The following UAP1 variants were observed in gnomAD, a reference collection of about 807,000 sequenced individuals.
UAP1 encodes UDP-N-acetylglucosamine pyrophosphorylase 1, also known as UDP-N-acetylhexosamine pyrophosphorylase.
UAP1 carries 25 observed loss-of-function variants against 58.5 expected under a neutral mutation model. That is an observed-to-expected ratio of 0.43 (90% confidence interval 0.31 to 0.60). The LOEUF (loss-of-function observed/expected upper bound fraction) is 0.60. Ranked by LOEUF, UAP1 falls within the 20% of genes least tolerant of loss-of-function variation. The pLI, the probability that UAP1 is intolerant of heterozygous loss-of-function variation, is 0.11. For missense variants in UAP1, 575 were observed against 630.0 expected, an observed-to-expected ratio of 0.91 and a Z score of 0.93; for synonymous variants, 208 against 213.0, an observed-to-expected ratio of 0.98 and a Z score of 0.21.
intron 2 of UAP1, among the ~76,000 whole-genome samples, chr1:162,574,784 A>T (rs1225427567): frequency 6.6e-6 from 1 of 151,902 alleles, no homozygotes; most frequent in East Asian, 1.9e-4. Flanking sequence ...TTAGGAATGG[A>T]TTATGGCAAG....
intron 1 of UAP1, among the ~76,000 whole-genome samples, chr1:162,563,818 T>C (rs889858221): frequency 2.0e-5 from 3 of 152,232 alleles, no homozygotes; most frequent in African/African-American, 7.2e-5. Flanking sequence ...TCTTTACTCT[T>C]GACTATCTTG....
At chr1:162,587,430 C>A in intron 5 of UAP1, 45 bp from the exon 6 acceptor site, 1 of 1,515,104 alleles carries the variant, frequency 6.6e-7, no homozygotes, top group Non-Finnish European at 9.0e-7. Context: ...TCCAAAGAAA[C>A]ATTTAATTCA....
intron 2 of UAP1, among the ~76,000 whole-genome samples, chr1:162,576,428 G>T (rs1654181676): frequency 6.6e-6 from 1 of 152,010 alleles, no homozygotes; most frequent in Admixed American, 6.6e-5. Flanking sequence ...TTCATTGTTT[G>T]GTGTTCGGTT....
chr1:162,579,182 G>C (rs530868141), intron 3 of UAP1, among the ~76,000 whole-genome samples: 1 of 152,160 alleles, frequency 6.6e-6, no homozygotes, highest in African/African-American at 2.4e-5. Context: ...CTTGAAGGAG[G>C]TGTGTTTAGT....
chr1:162,596,094 C>A (rs971322419), intron 9 of UAP1, among the ~76,000 whole-genome samples: 1 of 152,120 alleles, frequency 6.6e-6, no homozygotes, highest in African/African-American at 2.4e-5. Flanking sequence ...CTCAAGTGAT[C>A]TGCCCACCTT....
rs373294568 is a variant in UAP1 at position 162,566,363 on chromosome 1, C to T, written c.280+15C>T. On this transcript the variant is annotated intron_variant, in intron 2 of 10. Coordinates refer to ENST00000271469, the Ensembl canonical transcript of UAP1. ...GGAAAGTGAAGGTACTGGGCATGTA[C>T]ATATTTCTTACTGAAGTTTATTTGA... is the stretch of plus-strand genomic sequence containing the variant. The T allele has an allele frequency of 6.8e-5, 108 of 1,591,446 alleles. No homozygotes were observed. Among genetic ancestry groups the T allele is most frequent in the Middle Eastern group, 1.7e-4 (1 of 5,960 alleles).
At chr1:162,591,125 C>T (rs1303448024) in intron 8 of UAP1, among the ~76,000 whole-genome samples, 2 of 152,062 alleles carry the variant, frequency 1.3e-5, no homozygotes, top group African/African-American at 2.4e-5. Context: ...TGGGCTTTCA[C>T]TATGTTGACC....
chr1:162,599,429 C>G, exon 11 of UAP1: 1 of 1,028,004 alleles, frequency 9.7e-7, no homozygotes, highest in Non-Finnish European at 1.5e-6. Flanking sequence ...CAACTGTGAA[C>G]CTACAAGACG....
rs764270581 is a variant in UAP1 at position 162,576,845 on chromosome 1, G to A, written c.349G>A (p.Gly117Ser). The A allele has an allele frequency of 1.8e-5, 29 of 1,613,992 alleles. No homozygotes were observed. The South Asian group carries it at 2.3e-4, about 13-fold the overall frequency. The change falls in exon 3 of 11, where the codon GGC (glycine) becomes AGC (serine). Residue 117 changes from glycine (G) to serine (S), a missense_variant. Physicochemically the swap from Gly to Ser is moderately conservative, Grantham distance 56 (BLOSUM62 0). Transcript: ENST00000271469. ...AGCTGGTGGGCAGGGGACAAGACTC[G>A]GCGTTGCATATCCTAAGGGGATGTA...
rs1378607144 is a variant in UAP1 at position 162,580,138 on chromosome 1, A to G, written c.661+535A>G. On this transcript the variant is annotated intron_variant, in intron 4 of 10. Coordinates refer to ENST00000271469, the Ensembl canonical transcript of UAP1. ...TGCCTTGGCCTCCCAAAGTGCTGGA[A>G]TTACAGCCGTGAGCCACCGCGCCCA... 3.3e-5 allele frequency among the ~76,000 whole-genome samples: 5 copies of G among 152,324 alleles called. No individual in the cohort carries two copies. The East Asian group carries it at 7.7e-4, about 24-fold the overall frequency.
At chr1:162,585,420 C>G (rs1478848072) in intron 5 of UAP1, among the ~76,000 whole-genome samples, 3 of 151,270 alleles carry the variant, frequency 2.0e-5, no homozygotes, top group Admixed American at 6.6e-5. Flanking sequence ...CCATGCCTGG[C>G]TAATTTTTTT....
rs200233626 is a variant in UAP1, at chr1:162,599,176, T to G, written c.1477-95T>G. The G allele has an allele frequency of 2.2e-4, 148 of 681,194 alleles. No individual in the cohort carries two copies. In the East Asian group the frequency reaches 4.0e-3, roughly 19 times the overall value. The allele number at this position is 681,194 out of a possible 1,614,324, so 42.2% of individuals were successfully genotyped here. A position where few individuals can be genotyped will look rare whatever the true frequency, so the allele number is the denominator to read the frequency against. On this transcript the variant is annotated intron_variant, in intron 10 of 10. Coordinates refer to ENST00000271469, the Ensembl canonical transcript of UAP1. Reference sequence around the variant, plus strand: ...TTATATTCTGCATCTCAACCTTTTTTGGCATTTGTGCTTTAAATCATCATT... The same window carrying G: ...TTATATTCTGCATCTCAACCTTTTTGGGCATTTGTGCTTTAAATCATCATT...
intron 9 of UAP1, chr1:162,597,342 G>T (rs1465736088): frequency 6.5e-6 from 1 of 153,176 alleles, no homozygotes; most frequent in Non-Finnish European, 1.5e-5. Context: ...TTCTGTATTG[G>T]ATAGTACAGC....
chr1:162,599,838 G>C (rs983336642), exon 11 of UAP1: 1 of 152,288 alleles, frequency 6.6e-6, no homozygotes, highest in African/African-American at 2.4e-5. Flanking sequence ...TGTCTCTGGA[G>C]TGTCATTTGT....
chr1:162,568,041 G>A (rs983066430), intron 2 of UAP1, among the ~76,000 whole-genome samples: 10 of 152,250 alleles, frequency 6.6e-5, no homozygotes, highest in African/African-American at 2.2e-4. Flanking sequence ...CAAGTGATCC[G>A]CCCACCTGGG....
chr1:162,565,323 A>G lies in UAP1; in HGVS notation c.-57-689A>G, dbSNP rs1653421712. Among the ~76,000 whole-genome samples, 4 of 152,340 alleles carry G rather than the reference A, an allele frequency of 2.6e-5. No individual in the cohort carries two copies. In the South Asian group the frequency reaches 8.3e-4, roughly 32 times the overall value. On this transcript the variant is annotated intron_variant, in intron 1 of 10. Coordinates refer to ENST00000271469, the Ensembl canonical transcript of UAP1. ...ATGAAGTTTAACATTTTACTATATT[A>G]TCACAGAATATAGCTCTTTAGAAAA... is the stretch of plus-strand genomic sequence containing the variant.
At chr1:162,572,176 T>A (rs1352525373) in intron 2 of UAP1, among the ~76,000 whole-genome samples, 1 of 152,218 alleles carries the variant, frequency 6.6e-6, no homozygotes, top group African/African-American at 2.4e-5. Context: ...GTTATCAGGT[T>A]CGGAGATGGA....
chr1:162,589,200 T>TAA (rs1655133353), intron 7 of UAP1, among the ~76,000 whole-genome samples: 3 of 48,830 alleles, frequency 6.1e-5, no homozygotes, highest in East Asian at 5.7e-4. Context: ...TATTATATAT[T>TAA]ATATTTAAAT....
chr1:162,568,711 A>G (rs1467369785), intron 2 of UAP1, among the ~76,000 whole-genome samples: 1 of 152,202 alleles, frequency 6.6e-6, no homozygotes, highest in East Asian at 1.9e-4. Flanking sequence ...GGTTTCAAAA[A>G]GGCTACTATT....
Sources: gnomAD v4.1 joint callset for allele counts (sites outside exome capture counted in the v4.1 genomes callset) on GRCh38, gnomAD v4.1.1 for gene constraint, MANE v1.5 for transcripts, NCBI Gene and HGNC (gene_info 2026-07-23, HGNC 2026-07-21) for gene names.